The following TASOR variants were observed in gnomAD, a reference collection of about 807,000 sequenced individuals.
TASOR encodes the protein protein TASOR.
TASOR carries 53 observed loss-of-function variants against 178.6 expected under a neutral mutation model. The ratio of observed to expected loss-of-function variants is 0.30; its 90% CI spans 0.24 to 0.37. The LOEUF (loss-of-function observed/expected upper bound fraction) is 0.37, where lower values mean the gene tolerates loss of function less well. TASOR is among the 10% of genes least tolerant of loss of function. TASOR has a pLI of 1.00. For synonymous variants in TASOR, 713 were observed against 696.2 expected (o/e 1.02, Z -0.38); for missense variants, 1,815 against 1,971.4 (o/e 0.92, Z 1.50).
chr3:56,623,492 C>A lies in TASOR; in HGVS notation c.4558G>T (p.Val1520Leu), dbSNP rs1163276134. 1 of 1,612,774 alleles carries A rather than the reference C, an allele frequency of 6.2e-7. No homozygotes were observed. Among genetic ancestry groups the A allele is most frequent in the South Asian group, 1.1e-5 (1 of 91,020 alleles). ...ATTTCTGAATGAAAATTGCTGCATA[C>A]TTCTATATGTGAGATTTCATCCCCT... ...DSGDEISHIE[V>L]CSNFHSEIWE... Residue 1520 changes from valine (V) to leucine (L), a missense_variant, in exon 24 of 24, where the codon GTA becomes TTA. Physicochemically the swap from Val to Leu is conservative, Grantham distance 32. This residue lies in a region of TASOR where 278 missense variants were observed against 257.1 expected (regional missense o/e 1.08). Coordinates refer to ENST00000683822, the MANE Select transcript of TASOR (RefSeq NM_001365635.2).
At chr3:56,662,572 G>A in intron 8 of TASOR, 82 bp from the exon 9 acceptor site, 6 of 545,810 alleles carry the variant, frequency 1.1e-5, no homozygotes, top group South Asian at 5.7e-5. Flanking sequence ...AAATGAGACG[G>A]AAAATATCTA....
intron 16 of TASOR, among the ~76,000 whole-genome samples, chr3:56,639,257 A>T (rs1185801965): frequency 6.6e-6 from 1 of 152,180 alleles, no homozygotes; most frequent in Non-Finnish European, 1.5e-5. Context: ...TATTGTTTTT[A>T]AAAGGTTAGA....
intron 2 of TASOR, among the ~76,000 whole-genome samples, chr3:56,672,115 C>T (rs1321679468): frequency 6.6e-6 from 1 of 152,184 alleles, no homozygotes; most frequent in Non-Finnish European, 1.5e-5. Flanking sequence ...ACTGTATTCT[C>T]AATGCCAAGC....
intron 11 of TASOR, among the ~76,000 whole-genome samples, chr3:56,649,592 G>T (rs2077307472): frequency 6.6e-6 from 1 of 152,222 alleles, no homozygotes; most frequent in South Asian, 2.1e-4. Flanking sequence ...TTGATCACGA[G>T]AAGTTTATAA....
rs1430467854 is a variant in TASOR at position 56,683,092 on chromosome 3, C to G, written c.-86G>C. On this transcript the variant is annotated 5_prime_UTR_variant, in exon 1 of 24. Coordinates refer to ENST00000683822, the MANE Select transcript of TASOR (RefSeq NM_001365635.2). The stretch of plus-strand genomic sequence containing the variant: ...AGGGGCGGCGGGCCAGTCTCGCCGC[C>G]GAGCTGCTCTCAGCCCACCCACCCC... 7 of 1,385,362 alleles carry G rather than the reference C, an allele frequency of 5.1e-6. No homozygotes were observed. Among genetic ancestry groups the G allele is most frequent in the African/African-American group, 1.5e-5 (1 of 68,486 alleles). 85.8% of individuals were successfully genotyped at this position (1,385,362 alleles called of 1,614,324 possible). A position where few individuals can be genotyped will look rare whatever the true frequency, so the allele number is the denominator to read the frequency against.
chr3:56,661,334 T>C (rs1316248242), intron 9 of TASOR, among the ~76,000 whole-genome samples: 1 of 152,062 alleles, frequency 6.6e-6, no homozygotes, highest in Non-Finnish European at 1.5e-5. Context: ...TTTGGGTCTT[T>C]TTGTAGAGAC....
intron 11 of TASOR, among the ~76,000 whole-genome samples, chr3:56,656,096 AG>A (rs1458569623): frequency 1.3e-5 from 2 of 152,212 alleles, no homozygotes; most frequent in African/African-American, 4.8e-5. Flanking sequence ...CAAGGATAAC[AG>A]GGGACTACTA....
At chr3:56,643,570 G>C (rs2077172334) in intron 14 of TASOR, among the ~76,000 whole-genome samples, 1 of 152,006 alleles carries the variant, frequency 6.6e-6, no homozygotes, top group Admixed American at 6.6e-5. Flanking sequence ...AGACCATCCT[G>C]GCTAACACGG....
At chr3:56,627,446 GA>G in intron 20 of TASOR, 135 bp downstream of exon 20, 1 of 975,252 alleles carries the variant, frequency 1.0e-6, no homozygotes. Context: ...GAAGGAGAAA[GA>G]AATTTGAGGT....
intron 18 of TASOR, among the ~76,000 whole-genome samples, chr3:56,629,752 C>T (rs147041142): frequency 2.0e-4 from 31 of 152,236 alleles, no homozygotes; most frequent in African/African-American, 7.5e-4. Context: ...TTAATGTCAG[C>T]ACAGCTGGTC....
intron 11 of TASOR, among the ~76,000 whole-genome samples, chr3:56,658,306 T>C (rs1187045302): frequency 6.6e-6 from 1 of 152,192 alleles, no homozygotes; most frequent in African/African-American, 2.4e-5. Flanking sequence ...CATAATGTAA[T>C]ACTTGGTCAG....
At chr3:56,654,731 T>C (rs2077433178) in intron 11 of TASOR, among the ~76,000 whole-genome samples, 1 of 152,202 alleles carries the variant, frequency 6.6e-6, no homozygotes, top group African/African-American at 2.4e-5. Context: ...GAATTCCTCC[T>C]GTCTGTCTTC....
intron 11 of TASOR, among the ~76,000 whole-genome samples, chr3:56,652,435 C>A (rs2077371709): frequency 6.6e-6 from 1 of 151,714 alleles, no homozygotes; most frequent in African/African-American, 2.4e-5. Context: ...GCACCTGTAG[C>A]CCCAGCTACC....
At chr3:56,682,518 C>A (rs1320995128) in intron 1 of TASOR, among the ~76,000 whole-genome samples, 158 bp downstream of exon 1, 1 of 150,882 alleles carries the variant, frequency 6.6e-6, no homozygotes, top group East Asian at 1.9e-4. Context: ...TCGCACCAAA[C>A]GCGGCAGCTG....
At chr3:56,656,935 A>C (rs1317208466) in intron 11 of TASOR, among the ~76,000 whole-genome samples, 1 of 151,486 alleles carries the variant, frequency 6.6e-6, no homozygotes, top group African/African-American at 2.4e-5. Context: ...GCTTGAACCC[A>C]GGAGGAGGAG....
chr3:56,631,976 A>AG (rs1479783326), intron 18 of TASOR, among the ~76,000 whole-genome samples: 2 of 152,186 alleles, frequency 1.3e-5, no homozygotes, highest in East Asian at 3.9e-4. Context: ...TTCATGACTG[A>AG]GGAGTCTTTC....
At chr3:56,659,200 G>A (rs1429148039) in intron 11 of TASOR, among the ~76,000 whole-genome samples, 1 of 152,100 alleles carries the variant, frequency 6.6e-6, no homozygotes, top group Non-Finnish European at 1.5e-5. Flanking sequence ...AAAGATATTT[G>A]ACTGCCATTC....
rs998609572 is a variant in TASOR, at chr3:56,654,606, T to G, written c.1369-5549A>C. On this transcript the variant is annotated intron_variant, in intron 11 of 23. Coordinates refer to ENST00000683822, the MANE Select transcript of TASOR (RefSeq NM_001365635.2). ...TCCTGTCAAGCTATTTTCGGATGAG[T>G]TTACAACCAACAGACTGAGTAAAGC... 4.6e-5 allele frequency among the ~76,000 whole-genome samples: 7 copies of G among 151,752 alleles called. 1 individual carries two copies. The highest frequency in any genetic ancestry group is 1.3e-4 in the Admixed American group (2 of 15,196).
At chr3:56,627,455 G>A (rs2076823524) in intron 20 of TASOR, 127 bp downstream of exon 20, 1 of 1,026,310 alleles carries the variant, frequency 9.7e-7, no homozygotes, top group African/African-American at 1.6e-5. Flanking sequence ...AGAAATTTGA[G>A]GTAATAAAAG....
Sources: allele counts gnomAD v4.1 joint callset (sites outside exome capture counted in the v4.1 genomes callset), GRCh38; gene constraint gnomAD v4.1.1; regional missense constraint gnomAD v4.1.1; transcripts MANE v1.5; gene names NCBI Gene and HGNC (gene_info 2026-07-23, HGNC 2026-07-21).